ARHGEF33: variants seen among roughly 807,000 people sequenced by gnomAD.
ARHGEF33 encodes DH and coiled-coil domain-containing protein ENSP00000381780.
ARHGEF33 carries 72 observed loss-of-function variants against 101.9 expected under a neutral mutation model. That is an observed-to-expected ratio of 0.71 (90% CI 0.58 to 0.86). The LOEUF (loss-of-function observed/expected upper bound fraction) is 0.86, where lower values mean the gene tolerates loss of function less well. ARHGEF33 is among the 40% of genes least tolerant of loss of function. ARHGEF33 has a pLI of 0.00. For synonymous variants in ARHGEF33, 499 were observed against 442.5 expected, an observed-to-expected ratio of 1.13 and a Z score of -1.60; for missense variants, 1,169 against 1,111.3, an observed-to-expected ratio of 1.05 and a Z score of -0.74.
intron 2 of ARHGEF33, among the ~76,000 whole-genome samples, chr2:38,896,829 C>G (rs1284511620): frequency 1.3e-5 from 2 of 152,162 alleles, no homozygotes; most frequent in African/African-American, 4.8e-5. Flanking sequence ...TCATCCTACC[C>G]CTAACCCCAT....
At chr2:38,890,461 T>TA (rs1235845010) in intron 1 of ARHGEF33, among the ~76,000 whole-genome samples, 1 of 152,164 alleles carries the variant, frequency 6.6e-6, no homozygotes, top group Non-Finnish European at 1.5e-5. Flanking sequence ...CTCCCCTATG[T>TA]ACAGAACAAA....
intron 4 of ARHGEF33, among the ~76,000 whole-genome samples, chr2:38,925,714 C>T (rs909714053): frequency 1.3e-4 from 20 of 152,276 alleles, no homozygotes; most frequent in African/African-American, 4.6e-4. Context: ...CGCCTCCTTG[C>T]CATCATGTAT....
chr2:38,950,083 C>T (rs1432976846), intron 10 of ARHGEF33, among the ~76,000 whole-genome samples: 1 of 152,208 alleles, frequency 6.6e-6, no homozygotes, highest in African/African-American at 2.4e-5. Context: ...CAGGGACACA[C>T]ATCCAAACTG....
rs982101044 is a variant in ARHGEF33, at chr2:38,954,496, C to T, written c.1221+40C>T. ...GAAAGCCACCAAACTGATTTGCATG[C>T]TAAGTAATTATTGGTTTTGGCTCCC... On this transcript the variant is annotated intron_variant, in intron 13 of 17. Transcript: ENST00000409978. The T allele has an allele frequency of 3.2e-6, 4 of 1,241,658 alleles. No homozygotes were observed. The Admixed American group carries it at 7.9e-5, about 25-fold the overall frequency. The allele number at this position is 1,241,658 out of a possible 1,614,324, so 76.9% of individuals were successfully genotyped here.
intron 2 of ARHGEF33, among the ~76,000 whole-genome samples, chr2:38,910,708 T>G (rs1377766964): frequency 2.6e-5 from 4 of 152,198 alleles, no homozygotes; most frequent in Admixed American, 6.5e-5. Context: ...TTATTTCTCT[T>G]TCTCTCAATC....
At chr2:38,955,480 A>AATTTTT (rs1667716160) in intron 13 of ARHGEF33, among the ~76,000 whole-genome samples, 1 of 34,856 alleles carries the variant, frequency 2.9e-5, no homozygotes, top group Admixed American at 3.8e-4. Context: ...TATTGAAAAG[A>AATTTTT]CTTTTTTTTT....
intron 1 of ARHGEF33, among the ~76,000 whole-genome samples, chr2:38,890,343 C>G (rs1665968673): frequency 6.6e-6 from 1 of 152,058 alleles, no homozygotes; most frequent in African/African-American, 2.4e-5. Context: ...CATGGACATG[C>G]CTCTTTGGGA....
At chr2:38,957,412 G>T (rs1271605098) in intron 14 of ARHGEF33, among the ~76,000 whole-genome samples, 1 of 152,182 alleles carries the variant, frequency 6.6e-6, no homozygotes, top group Non-Finnish European at 1.5e-5. Flanking sequence ...AGCACCTATT[G>T]TGTGTCAGGC....
chr2:38,894,476 C>G (rs899843060), intron 1 of ARHGEF33, among the ~76,000 whole-genome samples: 9 of 151,328 alleles, frequency 5.9e-5, no homozygotes, highest in African/African-American at 2.2e-4. Flanking sequence ...GTGTATTTCT[C>G]TCTTACATTA....
chr2:38,890,380 A>C (rs1023671270), intron 1 of ARHGEF33, among the ~76,000 whole-genome samples: 3 of 152,180 alleles, frequency 2.0e-5, no homozygotes, highest in African/African-American at 7.2e-5. Flanking sequence ...AATGAAAAAG[A>C]TTAGGGATGG....
intron 2 of ARHGEF33, among the ~76,000 whole-genome samples, chr2:38,913,611 T>C (rs1388544745): frequency 6.6e-6 from 1 of 151,520 alleles, no homozygotes; most frequent in African/African-American, 2.4e-5. Flanking sequence ...CCCATCTATA[T>C]TAAAAATACA....
chr2:38,937,312 C>CCGGGGG, intron 8 of ARHGEF33, 23 bp from the exon 9 acceptor site: 1 of 583,330 alleles, frequency 1.7e-6, no homozygotes, highest in Non-Finnish European at 3.0e-6. Flanking sequence ...TTTGTTTCCC[C>CCGGGGG]GCCCCTCCCC....
At chr2:38,924,399 T>C (rs1324890988) in intron 4 of ARHGEF33, among the ~76,000 whole-genome samples, 2 of 152,170 alleles carry the variant, frequency 1.3e-5, no homozygotes, top group Admixed American at 1.3e-4. Context: ...CAGGTGGTCT[T>C]GTTTCACCCT....
chr2:38,942,339 G>C (rs1398482644), intron 9 of ARHGEF33, among the ~76,000 whole-genome samples: 1 of 151,210 alleles, frequency 6.6e-6, no homozygotes, highest in Non-Finnish European at 1.5e-5. Context: ...GCTAACTTTT[G>C]TATTTTTAGT....
intron 9 of ARHGEF33, among the ~76,000 whole-genome samples, chr2:38,940,817 CAG>C (rs1667287769): frequency 6.6e-6 from 1 of 152,154 alleles, no homozygotes; most frequent in African/African-American, 2.4e-5. Context: ...CCTGAAAATT[CAG>C]AGACTGGACT....
intron 2 of ARHGEF33, among the ~76,000 whole-genome samples, chr2:38,903,192 A>C (rs17422748): frequency 0.26 from 39,226 of 152,072 alleles, 5,351 homozygotes; most frequent in Admixed American, 0.31. Flanking sequence ...AGTGTGTTGC[A>C]TCTACTTATT....
At chr2:38,909,346 A>G (rs2124984760) in intron 2 of ARHGEF33, among the ~76,000 whole-genome samples, 1 of 152,056 alleles carries the variant, frequency 6.6e-6, no homozygotes, top group East Asian at 1.9e-4. Context: ...TTTTTAGACC[A>G]GGTCTCACTC....
intron 16 of ARHGEF33, among the ~76,000 whole-genome samples, chr2:38,961,465 T>G (rs890635837): frequency 6.6e-6 from 1 of 152,206 alleles, no homozygotes; most frequent in Non-Finnish European, 1.5e-5. Flanking sequence ...CATGAAGTGC[T>G]AATAGTTTCT....
intron 4 of ARHGEF33, among the ~76,000 whole-genome samples, chr2:38,927,459 G>C (rs1180983597): frequency 6.6e-6 from 1 of 152,238 alleles, no homozygotes; most frequent in African/African-American, 2.4e-5. Flanking sequence ...ACTTTGGGAG[G>C]CCAAGAAGGG....
Sources: gnomAD v4.1 joint callset for allele counts (sites outside exome capture counted in the v4.1 genomes callset) on GRCh38, gnomAD v4.1.1 for gene constraint, MANE v1.5 for transcripts, NCBI Gene and HGNC (gene_info 2026-07-23, HGNC 2026-07-21) for gene names.